ASPM: variants seen among roughly 807,000 people sequenced by gnomAD.
ASPM encodes abnormal spindle-like microcephaly-associated protein.
Under a neutral mutation model 366.4 loss-of-function variants are expected in ASPM, and 256 were observed. The observed-to-expected ratio is 0.70, with a 90% CI of 0.63 to 0.77. The LOEUF is 0.77. ASPM is among the 30% of genes least tolerant of loss of function. The pLI is 0.00. For missense variants in ASPM, 4,146 were observed against 4,090.4 expected (o/e 1.01, Z -0.37); for synonymous variants, 1,414 against 1,342.9 (o/e 1.05, Z -1.16).
At chr1:197,113,162 C>A (rs1480074506) in intron 17 of ASPM, among the ~76,000 whole-genome samples, 1 of 151,998 alleles carries the variant, frequency 6.6e-6, no homozygotes, top group Non-Finnish European at 1.5e-5. Context: ...GAGCTAAACA[C>A]TGAATACATA....
chr1:197,113,374 A>G (rs1657645300), intron 17 of ASPM, among the ~76,000 whole-genome samples: 1 of 152,184 alleles, frequency 6.6e-6, no homozygotes, highest in South Asian at 2.1e-4. Flanking sequence ...GAAGTAGAAG[A>G]AACAAAAAAA....
intron 5 of ASPM, 112 bp from the exon 6 acceptor site, chr1:197,133,707 C>G: frequency 7.7e-7 from 1 of 1,293,124 alleles, no homozygotes; most frequent in Non-Finnish European, 1.1e-6. Context: ...TATTCCTCAC[C>G]CACTCCAAGC....
intron 17 of ASPM, among the ~76,000 whole-genome samples, chr1:197,105,509 A>G (rs1657384088): frequency 6.6e-6 from 1 of 151,988 alleles, no homozygotes; most frequent in Admixed American, 6.6e-5. Flanking sequence ...ATTCTTTGCT[A>G]TCTATTGATT....
chr1:197,129,351 A>T lies in ASPM; in HGVS notation c.2630-34T>A. ...AAGTACAAAAAAGCACAGCAAGTTA[A>T]TCTATGAAAGGTAGGTTTCATCTTA... On this transcript the variant is annotated intron_variant, in intron 8 of 27. Transcript: ENST00000367409. 4 of 1,605,328 alleles carry T rather than the reference A, an allele frequency of 2.5e-6. No homozygotes were observed. In the Middle Eastern group the frequency reaches 5.2e-4, roughly 209 times the overall value.
chr1:197,113,087 A>T (rs1283183419), intron 17 of ASPM, among the ~76,000 whole-genome samples: 1 of 152,216 alleles, frequency 6.6e-6, no homozygotes, highest in Non-Finnish European at 1.5e-5. Context: ...GCTGGAGGCC[A>T]TTATCCTAAG....
Position 197,102,642 on chromosome 1 carries a change from G to A in ASPM, c.6609C>T (p.Tyr2203=). The A allele has an allele frequency of 6.2e-7, 1 of 1,612,556 alleles. No individual in the cohort carries two copies. The highest frequency in any genetic ancestry group is 1.1e-5 in the South Asian group (1 of 91,046). ...ATLIQSNYRR[Y]RQQTYFNKLK... is the part of the protein sequence containing the mutation. The stretch of plus-strand genomic sequence containing the variant: ...ACTTATTAAAGTATGTTTGCTGTCT[G>A]TATCTTCTGTAGTTTGACTGAATGA... The change falls in exon 18 of 28, where the codon TAC becomes TAT. Residue 2203 remains tyrosine (Y), a synonymous_variant. Transcript: ENST00000367409.
intron 21 of ASPM, 138 bp from the exon 22 acceptor site, chr1:197,092,194 TATTGTAATTCA>T: frequency 7.4e-6 from 6 of 815,666 alleles, no homozygotes; most frequent in Non-Finnish European, 1.2e-5. Flanking sequence ...CAATTACTTA[TATTGTAATTCA>T]AAGTAATTAC....
At position 197,101,503 on chromosome 1, in the gene ASPM, A is replaced by G. The variant is rs750851065; in HGVS notation, c.7748T>C (p.Ile2583Thr). Residue 2583 changes from isoleucine to threonine, a missense_variant, in exon 18 of 28, where the codon ATA becomes ACA. Coordinates refer to ENST00000367409, the MANE Select transcript of ASPM (RefSeq NM_018136.5). ...TTTATTTGCTCTATATTTTTCTTGT[A>G]TGATTTTTGTAGCCCACTGAAGCTT... Reference protein sequence around the residue: ...YQKLQWATKIIQEKYRANKKK... With the variant: ...YQKLQWATKITQEKYRANKKK... 1 of 1,609,438 alleles carries G rather than the reference A, an allele frequency of 6.2e-7. No individual in the cohort carries two copies. The highest frequency in any genetic ancestry group is 8.5e-7 in the Non-Finnish European group (1 of 1,179,010).
chr1:197,124,191 A>G lies in ASPM; in HGVS notation c.3309T>C (p.Ser1103=). The G allele has an allele frequency of 6.2e-7, 1 of 1,612,804 alleles. No homozygotes were observed. Among genetic ancestry groups the G allele is most frequent in the Non-Finnish European group, 8.5e-7 (1 of 1,179,120 alleles). Residue 1103 remains serine (S), a synonymous_variant, in exon 13 of 28, where the codon AGT becomes AGC. Coordinates refer to ENST00000367409, the MANE Select transcript of ASPM (RefSeq NM_018136.5). ...LINKKKGKRD[S]GSFEQYSENI... is the part of the protein sequence containing the mutation. ...TTTCACTATATTGTTCAAAGGAACC[A>G]CTATCCCTTTTGCCTTTTTTCTTAT...
At chr1:197,139,930 C>T (rs1658532580) in intron 3 of ASPM, 59 bp from the exon 4 acceptor site, 2 of 1,209,976 alleles carry the variant, frequency 1.7e-6, no homozygotes, top group African/African-American at 1.5e-5. Flanking sequence ...CTAAATAGGT[C>T]AGTGATTTGA....
At chr1:197,144,812 A>G (rs1658718361) in intron 1 of ASPM, among the ~76,000 whole-genome samples, 1 of 152,210 alleles carries the variant, frequency 6.6e-6, no homozygotes, top group African/African-American at 2.4e-5. Context: ...TGACATGACA[A>G]AACAAATTTT....
Position 197,090,918 on chromosome 1 carries a change from T to C in ASPM, c.9568A>G (p.Lys3190Glu), listed in dbSNP as rs1656761653. 8 of 1,613,486 alleles carry C rather than the reference T, an allele frequency of 5.0e-6. No homozygotes were observed. Among genetic ancestry groups the C allele is most frequent in the Non-Finnish European group, 6.8e-6 (8 of 1,179,640 alleles). Residue 3190 changes from lysine to glutamate, a missense_variant, in exon 23 of 28, where the codon AAA becomes GAA. Around this residue, in one of 3 missense-constraint regions of ASPM, gnomAD observed 3,624 missense variants for 3,591.7 expected, o/e 1.01. Transcript: ENST00000367409. ...QRNRAASVIQ[K>E]AVRHFLLRKK... is the part of the protein sequence containing the mutation. ...CGGAGGAGAAAATGGCGCACTGCTT[T>C]CTGTATTACTGATGCAGCCCTATTT... is the stretch of plus-strand genomic sequence containing the variant.
In ASPM at chr1:197,143,943, G is replaced by A. The variant is rs1571964; in HGVS notation, c.441+14C>T. The A allele has an allele frequency of 0.88, 1,402,263 of 1,592,502 alleles. 628,380 individuals carry two copies. Among genetic ancestry groups the A allele is most frequent in the East Asian group, 0.98 (43,806 of 44,626 alleles). ...AATTTCTTAGAGTAAATCACAGAAT[G>A]GTTAAAACATTACCTTTTTCTTTTT... On this transcript the variant is annotated intron_variant, in intron 2 of 27. Coordinates refer to ENST00000367409, the MANE Select transcript of ASPM (RefSeq NM_018136.5).
At chr1:197,113,895 T>C (rs1303477495) in intron 17 of ASPM, among the ~76,000 whole-genome samples, 1 of 152,218 alleles carries the variant, frequency 6.6e-6, no homozygotes, top group Non-Finnish European at 1.5e-5. Flanking sequence ...CTCTGAATAC[T>C]ACTACACAAT....
rs1481295939 is a variant in ASPM, at chr1:197,142,824, C to A, written c.1428G>T (p.Gln476His). ...TATTGTGGCTATGACTAGAAATATC[C>A]TGAACTGCAGAAAATTTAGGATTAT... is the stretch of plus-strand genomic sequence containing the variant. ...KQNNPKFSAV[Q>H]DISSHSHNKQ... Residue 476 changes from glutamine (Q) to histidine (H), a missense_variant, in exon 3 of 28, where the codon CAG becomes CAT. Gln to His is a conservative substitution (Grantham distance 24). Around this residue, in one of 3 missense-constraint regions of ASPM, gnomAD observed 3,624 missense variants for 3,591.7 expected, o/e 1.01. Transcript: ENST00000367409. 1 of 1,613,436 alleles carries A rather than the reference C, an allele frequency of 6.2e-7. No individual in the cohort carries two copies. Among genetic ancestry groups the A allele is most frequent in the African/African-American group, 1.3e-5 (1 of 74,894 alleles).
intron 7 of ASPM, 26 bp downstream of exon 7, chr1:197,132,257 ATT>A: frequency 6.5e-7 from 1 of 1,541,262 alleles, no homozygotes. Flanking sequence ...AAAAAATATT[ATT>A]TTAGAAACCT....
intron 17 of ASPM, 30 bp downstream of exon 17, chr1:197,117,758 TA>T: frequency 6.4e-7 from 1 of 1,572,484 alleles, no homozygotes; most frequent in Non-Finnish European, 8.6e-7. Flanking sequence ...TAAAATTTTT[TA>T]AATTCAAAAA....
chr1:197,100,909 T>C lies in ASPM; in HGVS notation c.8342A>G (p.Lys2781Arg). Residue 2781 changes from lysine (K) to arginine (R), a missense_variant, in exon 18 of 28, where the codon AAA becomes AGA. Around this residue, in one of 3 missense-constraint regions of ASPM, gnomAD observed 3,624 missense variants for 3,591.7 expected, o/e 1.01. Transcript: ENST00000367409. ...ACTTTGAACAGCTTCATACTGAGTT[T>C]TACTTCTGTAACAGCAGAGTGCAGA... ...NQSALCCYRS[K>R]TQYEAVQSEG... The C allele has an allele frequency of 6.2e-7, 1 of 1,612,706 alleles. No homozygotes were observed.
rs753505219 is a variant in ASPM at position 197,093,086 on chromosome 1, T to G, written c.9260A>C (p.Gln3087Pro). Residue 3087 changes from glutamine to proline, a missense_variant, in exon 21 of 28, where the codon CAA becomes CCA. Physicochemically the swap from Gln to Pro is moderately conservative, Grantham distance 76 (BLOSUM62 -1). Around this residue, in one of 3 missense-constraint regions of ASPM, gnomAD observed 3,624 missense variants for 3,591.7 expected, o/e 1.01. Coordinates refer to ENST00000367409, the MANE Select transcript of ASPM (RefSeq NM_018136.5). ...IEFKKSTVIL[Q>P]ALVRGWLVRK... ...TACTAGCCAACCACGCACCAGTGCT[T>G]GTAGGATAACTGTAGATTTTTTAAA... 1 of 1,611,926 alleles carries G rather than the reference T, an allele frequency of 6.2e-7. No individual in the cohort carries two copies. Among genetic ancestry groups the G allele is most frequent in the Non-Finnish European group, 8.5e-7 (1 of 1,178,558 alleles).
Sources: allele counts gnomAD v4.1 joint callset (sites outside exome capture counted in the v4.1 genomes callset), GRCh38; gene constraint gnomAD v4.1.1; regional missense constraint gnomAD v4.1.1; transcripts MANE v1.5; gene names NCBI Gene and HGNC (gene_info 2026-07-23, HGNC 2026-07-21).